KCNH6: variants seen among roughly 807,000 people sequenced by gnomAD.
The protein encoded by KCNH6 is potassium voltage-gated channel subfamily H member 6.
KCNH6 carries 81 observed loss-of-function variants against 83.4 expected under a neutral mutation model. The observed-to-expected ratio is 0.97, with a 90% confidence interval of 0.81 to 1.17. KCNH6 has a LOEUF of 1.17. Among genes scored for constraint, KCNH6 ranks in the 50% most tolerant of loss-of-function variants. The pLI is 0.00. For synonymous variants in KCNH6, 503 were observed against 545.6 expected, an observed-to-expected ratio of 0.92 and a Z score of 1.09; for missense variants, 1,203 against 1,290.5, an observed-to-expected ratio of 0.93 and a Z score of 1.04.
At chr17:63,548,331 G>C (rs2033187044), downstream of KCNH6, among the ~76,000 whole-genome samples, 1 of 152,110 alleles carries the variant, frequency 6.6e-6, no homozygotes, top group Admixed American at 6.5e-5. Context: ...GGAGGCTGAG[G>C]TGGGAGGACC....
chr17:63,535,590 A>C lies in KCNH6; in HGVS notation c.1102-79A>C. The C allele has an allele frequency of 7.4e-7, 1 of 1,344,838 alleles. No homozygotes were observed. Among genetic ancestry groups the C allele is most frequent in the African/African-American group, 1.5e-5 (1 of 68,718 alleles). The allele number at this position is 1,344,838 out of a possible 1,614,324, so 83.3% of individuals were successfully genotyped here. On this transcript the variant is annotated intron_variant, in intron 5 of 12. Coordinates refer to ENST00000314672, the MANE Select transcript of KCNH6 (RefSeq NM_001278919.2). This position sits in a 1 kb window ranked among gnomAD's most constrained non-coding sequence, Gnocchi z 4.9. ...GTTGAATGAGTATGTGGTTGTATGC[A>C]TGAGTGAACAAAAGCAGGCCTGACT...
chr17:63,526,071 G>A (rs902828989), intron 2 of KCNH6, among the ~76,000 whole-genome samples: 1 of 152,208 alleles, frequency 6.6e-6, no homozygotes, highest in African/African-American at 2.4e-5. Context: ...TTGGCCCCCT[G>A]AGATCAGGAC....
At chr17:63,536,977 A>AG (rs2032543026) in intron 6 of KCNH6, among the ~76,000 whole-genome samples, 1 of 145,886 alleles carries the variant, frequency 6.9e-6, no homozygotes, top group Non-Finnish European at 1.5e-5. Flanking sequence ...AAAAAAAAAA[A>AG]GAATTTTTCG....
intron 4 of KCNH6, among the ~76,000 whole-genome samples, chr17:63,530,939 G>GT (rs1042410477): frequency 1.3e-5 from 2 of 152,098 alleles, no homozygotes; most frequent in Non-Finnish European, 2.9e-5. Context: ...GAGAGCTGGT[G>GT]TGGGGGGGGG....
chr17:63,543,260 C>T (rs986339161), intron 9 of KCNH6, among the ~76,000 whole-genome samples: 5 of 152,108 alleles, frequency 3.3e-5, no homozygotes, highest in African/African-American at 1.2e-4. Flanking sequence ...CTCCCCACAC[C>T]ATCCCCTCTC....
Position 63,542,322 on chromosome 17 carries a change from A to C in KCNH6, c.2036A>C (p.Tyr679Ser), listed in dbSNP as rs1240448260. The change falls in exon 9 of 13, where the codon TAC (tyrosine) becomes TCC (serine). Residue 679 changes from tyrosine to serine, a missense_variant. Physicochemically the swap from Tyr to Ser is moderately radical, Grantham distance 144. Transcript: ENST00000314672. ...AGTGCAGACGTGCGGGCTCTGACCT[A>C]CTGCGACCTGCACAAGATCCAGCGG... ...KSSADVRALT[Y>S]CDLHKIQRAD... 1.2e-6 allele frequency: 2 copies of C among 1,614,014 alleles called. No individual in the cohort carries two copies. Among genetic ancestry groups the C allele is most frequent in the African/African-American group, 2.7e-5 (2 of 74,920 alleles).
At chr17:63,536,360 C>G (rs1478227375) in intron 6 of KCNH6, 1 of 435,416 alleles carries the variant, frequency 2.3e-6, no homozygotes, top group East Asian at 4.3e-5. Context: ...TATTAAGAAT[C>G]GGCCAGATGC....
chr17:63,541,377 C>G (rs1284587693), intron 8 of KCNH6, among the ~76,000 whole-genome samples: 1 of 151,200 alleles, frequency 6.6e-6, no homozygotes, highest in Non-Finnish European at 1.5e-5. Flanking sequence ...CAAACTCTGC[C>G]TCCCGGGTTC....
Position 63,523,387 on chromosome 17 carries a change from G to A in KCNH6, c.-27G>A. ...ACGCCGGGAGCCAGTGGCGCCTGTG[G>A]CTCCGGGCAGGGGCCGCGGCCGAAA... On this transcript the variant is annotated 5_prime_UTR_variant, in exon 1 of 13. Transcript: ENST00000314672. This position sits in a 1 kb window ranked among gnomAD's most constrained non-coding sequence, Gnocchi z 4.2. 2 of 1,574,908 alleles carry A rather than the reference G, an allele frequency of 1.3e-6. No homozygotes were observed. The highest frequency in any genetic ancestry group is 1.7e-6 in the Non-Finnish European group (2 of 1,163,744).
chr17:63,542,429 C>A lies in KCNH6; in HGVS notation c.2143C>A (p.Arg715=), dbSNP rs774807503. Residue 715 remains arginine (R), a synonymous_variant, in exon 9 of 13, where the codon CGG becomes AGG. Coordinates refer to ENST00000314672, the MANE Select transcript of KCNH6 (RefSeq NM_001278919.2). The stretch of plus-strand genomic sequence containing the variant: ...TAAGCTGGAGGTCACCTTCAACCTG[C>A]GGGACGTGAGTCAGGGCCAGGTGGG... The part of the protein sequence containing the change: ...WSKLEVTFNL[R]DAAGGLHSSP... 1.2e-6 allele frequency: 2 copies of A among 1,613,726 alleles called. No individual in the cohort carries two copies. The highest frequency in any genetic ancestry group is 3.3e-5 in the Admixed American group (2 of 60,018).
In KCNH6 at chr17:63,523,373, C is replaced by T. The variant is rs775499398; in HGVS notation, c.-41C>T. 3 of 1,549,918 alleles carry T rather than the reference C, an allele frequency of 1.9e-6. No homozygotes were observed. On this transcript the variant is annotated 5_prime_UTR_variant, in exon 1 of 13. Coordinates refer to ENST00000314672, the MANE Select transcript of KCNH6 (RefSeq NM_001278919.2). The surrounding 1 kb of genome is among the most constrained non-coding windows in gnomAD (Gnocchi z 4.2). Reference sequence around the variant, plus strand: ...GAGGACAGACGGAGACGCCGGGAGCCAGTGGCGCCTGTGGCTCCGGGCAGG... The same window carrying T: ...GAGGACAGACGGAGACGCCGGGAGCTAGTGGCGCCTGTGGCTCCGGGCAGG...
rs2032707651 is a variant in KCNH6 at position 63,538,982 on chromosome 17, G to A, written c.1954+320G>A. On this transcript the variant is annotated intron_variant, in intron 8 of 12. Coordinates refer to ENST00000314672, the MANE Select transcript of KCNH6 (RefSeq NM_001278919.2). This position sits in a 1 kb window ranked among gnomAD's most constrained non-coding sequence, Gnocchi z 4.0. ...TCTTCCTACCTTCTTGCACTCTTGG[G>A]GAGTTTAGGGAGAAAGGCCAAGGGT... Among the ~76,000 whole-genome samples, 1 of 152,142 alleles carries A rather than the reference G, an allele frequency of 6.6e-6. No individual in the cohort carries two copies. Among genetic ancestry groups the A allele is most frequent in the Non-Finnish European group, 1.5e-5 (1 of 68,018 alleles).
At chr17:63,531,958 G>A (rs1385386956) in intron 4 of KCNH6, among the ~76,000 whole-genome samples, 1 of 152,208 alleles carries the variant, frequency 6.6e-6, no homozygotes, top group African/African-American at 2.4e-5. Context: ...CCCAGATCAG[G>A]GAAGTCACAT....
At chr17:63,537,625 C>T (rs1020269761) in intron 6 of KCNH6, among the ~76,000 whole-genome samples, 1 of 152,004 alleles carries the variant, frequency 6.6e-6, no homozygotes, top group Admixed American at 6.6e-5. Flanking sequence ...TTGGTACAGA[C>T]GGGGTTTCAC....
intron 6 of KCNH6, among the ~76,000 whole-genome samples, chr17:63,537,367 C>A (rs1256509962): frequency 1.3e-5 from 2 of 152,060 alleles, no homozygotes; most frequent in African/African-American, 4.8e-5. Flanking sequence ...ATATGAAAGT[C>A]CAGAAAAACA....
chr17:63,537,637 A>C lies in KCNH6; in HGVS notation c.1502-428A>C, dbSNP rs146125272. On this transcript the variant is annotated intron_variant, in intron 6 of 12. Transcript: ENST00000314672. ...TTTTTGGTACAGACGGGGTTTCACC[A>C]TGTTGTCTGGGTTGGTCTCGAACTC... Among the ~76,000 whole-genome samples, 50 of 152,160 alleles carry C rather than the reference A, an allele frequency of 3.3e-4. No individual in the cohort carries two copies. In the East Asian group the frequency reaches 9.7e-3, roughly 29 times the overall value.
In KCNH6 at chr17:63,533,752, C is replaced by G. The variant is rs1488412712; in HGVS notation, c.676-134C>G. 1.4e-6 allele frequency: 1 copy of G among 723,622 alleles called. No individual in the cohort carries two copies. The highest frequency in any genetic ancestry group is 2.6e-5 in the East Asian group (1 of 37,884). 44.8% of individuals were successfully genotyped at this position (723,622 alleles called of 1,614,324 possible). A position where few individuals can be genotyped will look rare whatever the true frequency, so the allele number is the denominator to read the frequency against. ...CAGACACCCCCCACCCCATCTCTCC[C>G]TCATCCCCTCTGCCCACCAGAGCCG... On this transcript the variant is annotated intron_variant, in intron 4 of 12. Transcript: ENST00000314672. The surrounding 1 kb of genome is among the most constrained non-coding windows in gnomAD (Gnocchi z 4.1).
intron 2 of KCNH6, 85 bp downstream of exon 2, chr17:63,524,454 G>A (rs2031565572): frequency 1.7e-6 from 2 of 1,173,734 alleles, no homozygotes. Context: ...GGAAGGCACT[G>A]ACCCAGGGTC....
rs929261285 is a variant in KCNH6 at position 63,523,791 on chromosome 17, G to A, written c.76+302G>A. Among the ~76,000 whole-genome samples the A allele has an allele frequency of 1.1e-4, 16 of 151,878 alleles. No individual in the cohort carries two copies. Among genetic ancestry groups the A allele is most frequent in the African/African-American group, 3.9e-4 (16 of 41,348 alleles). On this transcript the variant is annotated intron_variant, in intron 1 of 12. Transcript: ENST00000314672. This position sits in a 1 kb window ranked among gnomAD's most constrained non-coding sequence, Gnocchi z 4.2. Reference sequence around the variant, plus strand: ...CCAGCCACTGCCTGCCCCCTCATCCGCGTCCTCCAGAGGCTTCTCTGAGTC... The same window carrying A: ...CCAGCCACTGCCTGCCCCCTCATCCACGTCCTCCAGAGGCTTCTCTGAGTC...
Sources: allele counts gnomAD v4.1 joint callset (sites outside exome capture counted in the v4.1 genomes callset), GRCh38; gene constraint gnomAD v4.1.1; non-coding constraint Gnocchi (gnomAD v3.1); transcripts MANE v1.5; gene names NCBI Gene and HGNC (gene_info 2026-07-23, HGNC 2026-07-21).